Variants in ZZEF1 observed in about 807,000 individuals in gnomAD.
ZZEF1 encodes the protein zinc finger ZZ-type and EF-hand domain containing 1.
ZZEF1 carries 157 observed loss-of-function variants against 342.8 expected under a neutral mutation model. The ratio of observed to expected loss-of-function variants is 0.46; its 90% confidence interval spans 0.40 to 0.52. ZZEF1 has a LOEUF of 0.52. ZZEF1 is among the 20% of genes least tolerant of loss of function. The pLI is 0.00. For missense variants in ZZEF1, 3,480 were observed against 3,725.6 expected, an observed-to-expected ratio of 0.93 and a Z score of 1.72; for synonymous variants, 1,505 against 1,429.1, an observed-to-expected ratio of 1.05 and a Z score of -1.20.
In ZZEF1 at chr17:4,142,575, G is replaced by A. The variant is rs755731574; in HGVS notation, c.321C>T (p.Arg107=). 2.5e-6 allele frequency: 4 copies of A among 1,603,526 alleles called. No homozygotes were observed. The highest frequency in any genetic ancestry group is 2.5e-6 in the Non-Finnish European group (3 of 1,179,610). The change falls in exon 1 of 55, where the codon CGC becomes CGT. Residue 107 remains arginine, a synonymous_variant. Transcript: ENST00000381638. ...LEQFRELLEA[R]GAGCSSEQFE... ...ACTGCTCGCTAGAGCAGCCGGCGCC[G>A]CGAGCCTCCAGCAGCTCCCGGAACT... is the stretch of plus-strand genomic sequence containing the variant.
intron 11 of ZZEF1, among the ~76,000 whole-genome samples, chr17:4,091,743 C>T (rs946731050): frequency 6.6e-6 from 1 of 151,412 alleles, no homozygotes; most frequent in African/African-American, 2.4e-5. Flanking sequence ...CGCCATTGCA[C>T]TCCAGCCTGG....
chr17:4,025,681 C>CA (rs11345281), intron 42 of ZZEF1, among the ~76,000 whole-genome samples: 2,205 of 127,288 alleles, frequency 0.017, 26 homozygotes, highest in Non-Finnish European at 0.027. Flanking sequence ...GACTCCGTCT[C>CA]AAAAAAAAAA....
chr17:4,104,716 G>T lies in ZZEF1; in HGVS notation c.1490C>A (p.Thr497Asn). 5 of 1,614,220 alleles carry T rather than the reference G, an allele frequency of 3.1e-6. No individual in the cohort carries two copies. Among genetic ancestry groups the T allele is most frequent in the Non-Finnish European group, 4.2e-6 (5 of 1,180,020 alleles). Reference protein sequence around the residue: ...AKVMSSLCTITDHLDTQYDAS... With the variant: ...AKVMSSLCTINDHLDTQYDAS... ...ATCATACTGCGTGTCCAGATGGTCA[G>T]TGATGGTGCATAGAGAGCTCATGAC... Residue 497 changes from threonine to asparagine, a missense_variant, in exon 8 of 55, where the codon ACT (threonine) becomes AAT (asparagine). Thr to Asn is a moderately conservative substitution (Grantham distance 65). Around this residue, in one of 5 missense-constraint regions of ZZEF1, gnomAD observed 1,528 missense variants for 1,624.1 expected, o/e 0.94. Coordinates refer to ENST00000381638, the MANE Select transcript of ZZEF1 (RefSeq NM_015113.4).
intron 12 of ZZEF1, among the ~76,000 whole-genome samples, chr17:4,089,471 ATTAC>A (rs2057903985): frequency 6.6e-6 from 1 of 152,240 alleles, no homozygotes; most frequent in South Asian, 2.1e-4. Flanking sequence ...AGAGTTCCTA[ATTAC>A]TTATTTAAGC....
rs558838314 is a variant in ZZEF1 at position 4,088,563 on chromosome 17, T to C, written c.2241+115A>G. 1.3e-4 allele frequency: 141 copies of C among 1,091,238 alleles called. 1 individual carries two copies. In the African/African-American group the frequency reaches 2.1e-3, roughly 16 times the overall value. The allele number at this position is 1,091,238 out of a possible 1,614,324, so 67.6% of individuals were successfully genotyped here. A position where few individuals can be genotyped will look rare whatever the true frequency, so the allele number is the denominator to read the frequency against. On this transcript the variant is annotated intron_variant, in intron 13 of 54. Transcript: ENST00000381638. Reference sequence around the variant, plus strand: ...TTTTCATGTCCCTGCAGCAGTACAATGCCCATCCTATTGGCTTCCGCAGGG... The same window carrying C: ...TTTTCATGTCCCTGCAGCAGTACAACGCCCATCCTATTGGCTTCCGCAGGG...
chr17:4,028,602 G>A (rs1357715078), intron 42 of ZZEF1, among the ~76,000 whole-genome samples: 2 of 150,766 alleles, frequency 1.3e-5, no homozygotes, highest in Non-Finnish European at 2.9e-5. Flanking sequence ...TGCAATAAAT[G>A]TAAATGGTCT....
At chr17:4,111,772 A>ATT (rs2058306447) in intron 5 of ZZEF1, among the ~76,000 whole-genome samples, 1 of 146,518 alleles carries the variant, frequency 6.8e-6, no homozygotes, top group Admixed American at 6.9e-5. Flanking sequence ...ATATATATAT[A>ATT]TATATTTATA....
chr17:4,101,895 G>A (rs189595998), intron 9 of ZZEF1, among the ~76,000 whole-genome samples: 110 of 152,076 alleles, frequency 7.2e-4, no homozygotes, highest in African/African-American at 2.3e-3. Context: ...CTCCCAAAGC[G>A]CTGGGATTAC....
Position 4,008,858 on chromosome 17 carries a change from A to G in ZZEF1, c.8805+25T>C. The G allele has an allele frequency of 1.3e-6, 2 of 1,544,296 alleles. No individual in the cohort carries two copies. Among genetic ancestry groups the G allele is most frequent in the Non-Finnish European group, 1.7e-6 (2 of 1,147,264 alleles). On this transcript the variant is annotated intron_variant, in intron 54 of 54. Coordinates refer to ENST00000381638, the MANE Select transcript of ZZEF1 (RefSeq NM_015113.4). The surrounding 1 kb of genome is among the most constrained non-coding windows in gnomAD (Gnocchi z 4.2). Reference sequence around the variant, plus strand: ...ATGGTGGCGCCCCAGCCTGGGGGCCAGCTCTGTTGGGGTGGAGAGAGTACC... The same window carrying G: ...ATGGTGGCGCCCCAGCCTGGGGGCCGGCTCTGTTGGGGTGGAGAGAGTACC...
chr17:4,038,625 T>C (rs2056729366), intron 39 of ZZEF1, among the ~76,000 whole-genome samples: 1 of 152,018 alleles, frequency 6.6e-6, no homozygotes. Flanking sequence ...GCCAACATGG[T>C]GAAACCCCGG....
chr17:4,050,776 G>A lies in ZZEF1; in HGVS notation c.5863+5C>T. ...GGTTTTGGTTTCTGTGCATTGGGAA[G>A]TCACCTTTTCCCTGATGAGCCTTCA... On this transcript the variant is annotated splice_donor_5th_base_variant and intron_variant, in intron 36 of 54. Transcript: ENST00000381638. 1 of 1,613,424 alleles carries A rather than the reference G, an allele frequency of 6.2e-7. No individual in the cohort carries two copies.
intron 26 of ZZEF1, among the ~76,000 whole-genome samples, chr17:4,069,858 G>A (rs148733180): frequency 3.8e-4 from 57 of 149,180 alleles, no homozygotes; most frequent in Admixed American, 1.0e-3. Context: ...AAAACAAAAT[G>A]AGCAACAGTC....
chr17:4,101,313 G>A (rs998894614), intron 9 of ZZEF1, among the ~76,000 whole-genome samples: 1 of 151,952 alleles, frequency 6.6e-6, no homozygotes, highest in Admixed American at 6.6e-5. Flanking sequence ...GAGGAAAGCC[G>A]AGGAGAACCA....
At chr17:4,056,477 G>T in intron 32 of ZZEF1, 132 bp from the exon 33 acceptor site, 1 of 890,508 alleles carries the variant, frequency 1.1e-6, no homozygotes, top group Non-Finnish European at 1.5e-6. Context: ...AAGGTCAACT[G>T]CTTTTCAAAG....
chr17:4,075,524 A>C (rs1459400475), intron 21 of ZZEF1, 95 bp from the exon 22 acceptor site: 1 of 1,441,412 alleles, frequency 6.9e-7, no homozygotes, highest in Admixed American at 2.1e-5. Flanking sequence ...CTCCAGGCAG[A>C]TGGCCTTGAC....
chr17:4,037,030 GAT>G (rs2056688824), intron 39 of ZZEF1, among the ~76,000 whole-genome samples: 1 of 152,030 alleles, frequency 6.6e-6, no homozygotes, highest in South Asian at 2.1e-4. Context: ...AAATGATGGG[GAT>G]ATGTCAAAAG....
At chr17:4,046,430 G>A (rs1291436148) in intron 37 of ZZEF1, among the ~76,000 whole-genome samples, 1 of 152,176 alleles carries the variant, frequency 6.6e-6, no homozygotes, top group Non-Finnish European at 1.5e-5. Flanking sequence ...CATGGTGGAG[G>A]CACCCCAGCT....
chr17:4,060,738 G>A (rs1289878868), intron 30 of ZZEF1, among the ~76,000 whole-genome samples: 2 of 151,600 alleles, frequency 1.3e-5, no homozygotes, highest in African/African-American at 4.9e-5. Context: ...GGTATCTTGA[G>A]AAAGAAAAGT....
chr17:4,136,422 A>G (rs1470187122), intron 1 of ZZEF1, among the ~76,000 whole-genome samples: 2 of 152,022 alleles, frequency 1.3e-5, no homozygotes, highest in Admixed American at 1.3e-4. Context: ...TAACACTGCC[A>G]ATTACAACAC....
Sources: allele counts gnomAD v4.1 joint callset (sites outside exome capture counted in the v4.1 genomes callset), GRCh38; gene constraint gnomAD v4.1.1; regional missense constraint gnomAD v4.1.1; non-coding constraint Gnocchi (gnomAD v3.1); transcripts MANE v1.5; gene names NCBI Gene and HGNC (gene_info 2026-07-23, HGNC 2026-07-21).